Variants in GPHN observed in about 807,000 individuals in gnomAD.
GPHN encodes the protein gephyrin.
Under a neutral mutation model 95.5 loss-of-function variants are expected in GPHN, and 17 were observed. The ratio of observed to expected loss-of-function variants is 0.18; its 90% confidence interval spans 0.12 to 0.27. The LOEUF (loss-of-function observed/expected upper bound fraction) is 0.27, where lower values mean the gene tolerates loss of function less well. GPHN is among the 10% of genes least tolerant of loss of function. The pLI, the probability that GPHN is intolerant of heterozygous loss-of-function variation, is 1.00. For synonymous variants in GPHN, 320 were observed against 322.5 expected (o/e 0.99, Z 0.08); for missense variants, 660 against 978.1 (o/e 0.67, Z 4.34).
the GPHN span, among the ~76,000 whole-genome samples, chr14:67,531,102 T>C: frequency 4.6e-5 from 7 of 152,166 alleles, no homozygotes; most frequent in South Asian, 1.4e-3. Flanking sequence ...GTCAGGTCAC[T>C]TGTAATAATA....
chr14:67,557,196 A>C, the GPHN span: 1 of 1,320,710 alleles, frequency 7.6e-7, no homozygotes, highest in South Asian at 1.3e-5. Flanking sequence ...ACGGTGTCCC[A>C]TCCCACGTTA....
chr14:66,578,703 A>T (rs1738998012), intron 1 of GPHN, among the ~76,000 whole-genome samples: 1 of 143,288 alleles, frequency 7.0e-6, no homozygotes, highest in East Asian at 2.0e-4. Flanking sequence ...TCAAAGAAAG[A>T]AAAAAAAAAA....
At chr14:66,746,416 C>T (rs985679672) in intron 2 of GPHN, among the ~76,000 whole-genome samples, 4 of 152,048 alleles carry the variant, frequency 2.6e-5, no homozygotes, top group African/African-American at 9.7e-5. Context: ...TTGTGTGGTT[C>T]TAACCTTGGC....
chr14:66,512,959 A>C (rs1415060559), intron 1 of GPHN, among the ~76,000 whole-genome samples: 1 of 151,726 alleles, frequency 6.6e-6, no homozygotes, highest in East Asian at 1.9e-4. Flanking sequence ...TACTAAGTGG[A>C]ACTGTATGTT....
the GPHN span, among the ~76,000 whole-genome samples, chr14:67,209,844 G>GA: frequency 6.9e-6 from 1 of 144,978 alleles, no homozygotes; most frequent in African/African-American, 2.5e-5. Flanking sequence ...AAAAAGAAAC[G>GA]AAAAAGTATA....
the GPHN span, among the ~76,000 whole-genome samples, chr14:67,641,978 A>G: frequency 5.3e-5 from 8 of 152,160 alleles, no homozygotes; most frequent in Admixed American, 4.6e-4. Context: ...AAGTCAATCG[A>G]TATCTCTTAG....
In GPHN at chr14:67,109,204, C is replaced by T. The variant is rs2078225033; in HGVS notation, c.1294-936C>T. Among the ~76,000 whole-genome samples, 3 of 152,190 alleles carry T rather than the reference C, an allele frequency of 2.0e-5. No individual in the cohort carries two copies. The South Asian group carries it at 6.2e-4, about 32-fold the overall frequency. On this transcript the variant is annotated intron_variant, in intron 13 of 22. Transcript: ENST00000478722. ...TATATGCAGTCCAACATTGAGCAAACTATCCTTATGCAGCACGTGACTATA... is the reference window on the plus strand; with the variant it reads ...TATATGCAGTCCAACATTGAGCAAATTATCCTTATGCAGCACGTGACTATA...
chr14:67,198,004 A>T, the GPHN span: 1 of 767,772 alleles, frequency 1.3e-6, no homozygotes, highest in Non-Finnish European at 2.0e-6. Context: ...ATGTATTAAT[A>T]CAAGTGCCTG....
chr14:67,563,187 G>T, the GPHN span, among the ~76,000 whole-genome samples: 2 of 152,214 alleles, frequency 1.3e-5, no homozygotes, highest in Non-Finnish European at 2.9e-5. Flanking sequence ...GAGTCTTTCA[G>T]GTGGTCTGGT....
intron 2 of GPHN, among the ~76,000 whole-genome samples, chr14:66,765,147 T>C (rs1027412791): frequency 3.9e-5 from 6 of 152,110 alleles, no homozygotes; most frequent in Non-Finnish European, 7.4e-5. Flanking sequence ...TGTGAGAGGG[T>C]ATCTCAAGTC....
intron 16 of GPHN, among the ~76,000 whole-genome samples, chr14:67,120,918 C>A (rs574295430): frequency 1.3e-5 from 2 of 152,232 alleles, no homozygotes; most frequent in South Asian, 4.1e-4. Flanking sequence ...TTTCCTGTAG[C>A]CTATTGTAAG....
chr14:67,321,311 G>T, the GPHN span: 12 of 1,558,704 alleles, frequency 7.7e-6, no homozygotes, highest in Middle Eastern at 8.4e-4. Flanking sequence ...ATGTCATATA[G>T]AGTAATCTAG....
At chr14:67,685,320 T>C in the GPHN span, 1 of 754,994 alleles carries the variant, frequency 1.3e-6, no homozygotes. Flanking sequence ...CTTTTGCCCA[T>C]GGTGACATCA....
At chr14:67,395,536 C>T in the GPHN span, 1 of 1,614,004 alleles carries the variant, frequency 6.2e-7, no homozygotes, top group African/African-American at 1.3e-5. Flanking sequence ...GAGAACAGGC[C>T]TCCAGGAAGT....
At chr14:67,134,538 A>G (rs1230242861) in intron 17 of GPHN, among the ~76,000 whole-genome samples, 1 of 152,234 alleles carries the variant, frequency 6.6e-6, no homozygotes, top group Non-Finnish European at 1.5e-5. Context: ...TACTGTGGAT[A>G]GACTGACTTG....
chr14:66,985,238 G>C (rs2070938014), intron 9 of GPHN, among the ~76,000 whole-genome samples: 1 of 152,134 alleles, frequency 6.6e-6, no homozygotes, highest in African/African-American at 2.4e-5. Context: ...AATGATGCTT[G>C]TCAGGACTGA....
chr14:66,564,642 G>A (rs971882900), intron 1 of GPHN, among the ~76,000 whole-genome samples: 5 of 152,136 alleles, frequency 3.3e-5, no homozygotes, highest in Non-Finnish European at 7.4e-5. Flanking sequence ...TTTGATATAT[G>A]TAGCAAATAA....
At chr14:66,925,109 C>T (rs546771394) in intron 8 of GPHN, among the ~76,000 whole-genome samples, 1 of 152,150 alleles carries the variant, frequency 6.6e-6, no homozygotes, top group Non-Finnish European at 1.5e-5. Flanking sequence ...TTAGAAGATA[C>T]TACCAAGTGA....
At chr14:67,701,926 A>G in the GPHN span, 1 of 152,160 alleles carries the variant, frequency 6.6e-6, no homozygotes, top group Non-Finnish European at 1.5e-5. Context: ...CTGAGTGGCC[A>G]GGACTACAGG....
Sources: allele counts gnomAD v4.1 joint callset (sites outside exome capture counted in the v4.1 genomes callset), GRCh38; gene constraint gnomAD v4.1.1; transcripts MANE v1.5; gene names NCBI Gene and HGNC (gene_info 2026-07-23, HGNC 2026-07-21).